The following CPD variants were observed in gnomAD, a reference collection of about 807,000 sequenced individuals.
CPD encodes the protein metallocarboxypeptidase D.
A neutral mutation model predicts 138.3 loss-of-function variants in CPD; 69 were observed. The ratio of observed to expected loss-of-function variants is 0.50; its 90% confidence interval spans 0.41 to 0.61. CPD has a LOEUF of 0.61. CPD is among the 20% of genes least tolerant of loss of function. CPD has a pLI of 0.00. For synonymous variants in CPD, 651 were observed against 642.1 expected, an observed-to-expected ratio of 1.01 and a Z score of -0.21; for missense variants, 1,432 against 1,733.3, an observed-to-expected ratio of 0.83 and a Z score of 3.09.
Position 30,461,283 on chromosome 17 carries a change from A to G in CPD, c.3602A>G (p.Lys1201Arg), listed in dbSNP as rs1274539245. ...CTCCCTTCCTTGTGGGCAGACAATA[A>G]GAGATCTCTTCTTAGTATGTTAGTG... is the stretch of plus-strand genomic sequence containing the variant. ...ARLPSLWADNKRSLLSMLVEV... is the reference protein window; with the variant it reads ...ARLPSLWADNRRSLLSMLVEV... Residue 1201 changes from lysine (K) to arginine (R), a missense_variant, in exon 18 of 21, where the codon AAG becomes AGG. This residue lies in a region of CPD where 366 missense variants were observed against 518.8 expected (regional missense o/e 0.71). Coordinates refer to ENST00000225719, the MANE Select transcript of CPD (RefSeq NM_001304.5). The G allele has an allele frequency of 4.3e-6, 7 of 1,609,274 alleles. No individual in the cohort carries two copies. In the Admixed American group the frequency reaches 1.2e-4, roughly 27 times the overall value.
At chr17:30,464,549 A>G in intron 20 of CPD, 39 bp from the exon 21 acceptor site, 2 of 1,542,150 alleles carry the variant, frequency 1.3e-6, no homozygotes, top group Non-Finnish European at 1.8e-6. Flanking sequence ...AATATCCTTA[A>G]AGTATAATAT....
At chr17:30,413,311 C>T (rs2143390616) in intron 2 of CPD, among the ~76,000 whole-genome samples, 1 of 152,320 alleles carries the variant, frequency 6.6e-6, no homozygotes, top group South Asian at 2.1e-4. Flanking sequence ...ATCATAATGA[C>T]TAAATATGGC....
At chr17:30,384,446 C>T (rs1315295636) in intron 1 of CPD, among the ~76,000 whole-genome samples, 5 of 152,182 alleles carry the variant, frequency 3.3e-5, no homozygotes, top group South Asian at 4.1e-4. Flanking sequence ...GTGGAATTTA[C>T]GTATTATGAA....
intron 12 of CPD, 127 bp downstream of exon 12, chr17:30,446,147 T>C: frequency 2.8e-6 from 2 of 716,030 alleles, no homozygotes; most frequent in Non-Finnish European, 4.5e-6. Flanking sequence ...TGGAGTTTAC[T>C]TATTTTGCAA....
intron 2 of CPD, among the ~76,000 whole-genome samples, chr17:30,415,913 T>C (rs1056098950): frequency 5.9e-5 from 9 of 152,240 alleles, no homozygotes; most frequent in South Asian, 2.1e-4. Context: ...ATTTCACTTA[T>C]ATGAAGTATC....
intron 2 of CPD, among the ~76,000 whole-genome samples, chr17:30,394,362 A>G (rs1911442769): frequency 6.6e-6 from 1 of 152,058 alleles, no homozygotes; most frequent in South Asian, 2.1e-4. Context: ...CTCTGTCTGA[A>G]GTGCTTTTCA....
chr17:30,461,787 T>G lies in CPD; in HGVS notation c.3631-90T>G, dbSNP rs367950973. The G allele has an allele frequency of 5.4e-4, 540 of 994,224 alleles. 2 individuals carry two copies. The highest frequency in any genetic ancestry group is 5.4e-3 in the African/African-American group (332 of 61,720). The allele number at this position is 994,224 out of a possible 1,614,324, so 61.6% of individuals were successfully genotyped here. A position where few individuals can be genotyped will look rare whatever the true frequency, so the allele number is the denominator to read the frequency against. Reference sequence around the variant, plus strand: ...GTGTGGTTTTTGTTTTGTTTGTTTGTTTGGTTGGTTTTGGTCATGCCTCAA... The same window carrying G: ...GTGTGGTTTTTGTTTTGTTTGTTTGGTTGGTTGGTTTTGGTCATGCCTCAA... On this transcript the variant is annotated intron_variant, in intron 18 of 20. Coordinates refer to ENST00000225719, the MANE Select transcript of CPD (RefSeq NM_001304.5).
At chr17:30,390,262 C>T (rs1911317679) in intron 2 of CPD, among the ~76,000 whole-genome samples, 1 of 152,062 alleles carries the variant, frequency 6.6e-6, no homozygotes, top group Admixed American at 6.5e-5. Context: ...AGTGATCTGC[C>T]CACCTTGGCC....
In CPD at chr17:30,379,530, C is replaced by A; in HGVS notation, c.550C>A (p.Pro184Thr). Residue 184 changes from proline (P) to threonine (T), a missense_variant, in exon 1 of 21, where the codon CCC becomes ACC. Physicochemically the swap from Pro to Thr is conservative, Grantham distance 38 (BLOSUM62 -1). This residue lies in a region of CPD where 484 missense variants were observed against 477.2 expected (regional missense o/e 1.01). Coordinates refer to ENST00000225719, the MANE Select transcript of CPD (RefSeq NM_001304.5). This position sits in a 1 kb window ranked among gnomAD's most constrained non-coding sequence, Gnocchi z 7.0. Reference protein sequence around the residue: ...TDVYLLPSLNPDGFERAREGD... With the variant: ...TDVYLLPSLNTDGFERAREGD... ...CGTGTACCTGCTGCCCAGCCTCAAC[C>A]CCGATGGCTTCGAGCGTGCCCGCGA... is the stretch of plus-strand genomic sequence containing the variant. 2 of 1,564,690 alleles carry A rather than the reference C, an allele frequency of 1.3e-6. No individual in the cohort carries two copies.
At chr17:30,451,879 A>C in intron 14 of CPD, 33 bp downstream of exon 14, 1 of 1,595,866 alleles carries the variant, frequency 6.3e-7, no homozygotes, top group South Asian at 1.1e-5. Context: ...TAAAGTACTT[A>C]GGAGATAATT....
rs377554415 is a variant in CPD, at chr17:30,439,050, A to G, written c.2203A>G (p.Asn735Asp). The change falls in exon 9 of 21, where the codon AAT becomes GAT. Residue 735 changes from asparagine to aspartate, a missense_variant. Physicochemically the swap from Asn to Asp is conservative, Grantham distance 23 (BLOSUM62 1). Around this residue, in one of 6 missense-constraint regions of CPD, gnomAD observed 297 missense variants for 405.3 expected, o/e 0.73. Coordinates refer to ENST00000225719, the MANE Select transcript of CPD (RefSeq NM_001304.5). ...PNEYFPHGITNGASWYNVPGG... is the reference protein window; with the variant it reads ...PNEYFPHGITDGASWYNVPGG... ...TGAATATTTTCCTCATGGAATAACA[A>G]ATGGAGCTAGTTGGTATAATGTGCC... 6.3e-7 allele frequency: 1 copy of G among 1,594,822 alleles called. No homozygotes were observed.
At chr17:30,407,479 T>C (rs919021759) in intron 2 of CPD, among the ~76,000 whole-genome samples, 10 of 152,336 alleles carry the variant, frequency 6.6e-5, no homozygotes, top group African/African-American at 2.4e-4. Flanking sequence ...CAGTATCTAT[T>C]GTTTCCTGAC....
chr17:30,393,442 C>T (rs9903113), intron 2 of CPD, among the ~76,000 whole-genome samples: 2,690 of 152,076 alleles, frequency 0.018, 76 homozygotes, highest in African/African-American at 0.061. Context: ...CCAGTAACAC[C>T]AGAAAATTGT....
chr17:30,379,911 A>G lies in CPD; in HGVS notation c.746+185A>G, dbSNP rs538241703. On this transcript the variant is annotated intron_variant, in intron 1 of 20. Coordinates refer to ENST00000225719, the MANE Select transcript of CPD (RefSeq NM_001304.5). The surrounding 1 kb of genome is among the most constrained non-coding windows in gnomAD (Gnocchi z 7.0). ...CTCCCGTCCTGCTAATCATCAAAGA[A>G]TTGCCTCCTAGAGGCTGTCATTTGT... Among the ~76,000 whole-genome samples the G allele has an allele frequency of 1.3e-5, 2 of 152,114 alleles. No homozygotes were observed. The highest frequency in any genetic ancestry group is 2.4e-5 in the African/African-American group (1 of 41,422).
Position 30,422,777 on chromosome 17 carries a change from A to G in CPD, c.1411A>G (p.Thr471Ala). ...TGTAACTTCAGTAATCCCTGACACG[A>G]CAGAGGCTGTATCAACTGCTAGCAC... ...PTVTSVIPDT[T>A]EAVSTASTVA... Residue 471 changes from threonine (T) to alanine (A), a missense_variant, in exon 5 of 21, where the codon ACA becomes GCA. Thr to Ala is a moderately conservative substitution (Grantham distance 58). This residue lies in a region of CPD where 160 missense variants were observed against 197.9 expected (regional missense o/e 0.81). Transcript: ENST00000225719. 2 of 1,614,116 alleles carry G rather than the reference A, an allele frequency of 1.2e-6. No individual in the cohort carries two copies. Among genetic ancestry groups the G allele is most frequent in the Non-Finnish European group, 1.7e-6 (2 of 1,179,956 alleles).
At chr17:30,406,881 G>A (rs186489368) in intron 2 of CPD, among the ~76,000 whole-genome samples, 1 of 151,920 alleles carries the variant, frequency 6.6e-6, no homozygotes, top group Non-Finnish European at 1.5e-5. Context: ...TTGTTACATA[G>A]GTATACATGT....
chr17:30,413,726 T>C (rs893204307), intron 2 of CPD, among the ~76,000 whole-genome samples: 2 of 152,086 alleles, frequency 1.3e-5, no homozygotes, highest in Non-Finnish European at 2.9e-5. Context: ...GTAAACACAG[T>C]AGGTGAATTG....
At chr17:30,453,673 G>T (rs980760593) in intron 14 of CPD, among the ~76,000 whole-genome samples, 1 of 152,208 alleles carries the variant, frequency 6.6e-6, no homozygotes, top group Non-Finnish European at 1.5e-5. Context: ...CTGTGTGGGG[G>T]CTCTGATCCC....
At chr17:30,384,460 C>T (rs892042874) in intron 1 of CPD, among the ~76,000 whole-genome samples, 6 of 152,062 alleles carry the variant, frequency 3.9e-5, no homozygotes, top group African/African-American at 9.7e-5. Flanking sequence ...TTATGAAATA[C>T]AAGTCGTAGA....
Sources: allele counts gnomAD v4.1 joint callset (sites outside exome capture counted in the v4.1 genomes callset), GRCh38; gene constraint gnomAD v4.1.1; regional missense constraint gnomAD v4.1.1; non-coding constraint Gnocchi (gnomAD v3.1); transcripts MANE v1.5; gene names NCBI Gene and HGNC (gene_info 2026-07-23, HGNC 2026-07-21).